PDGFD: variants seen among roughly 807,000 people sequenced by gnomAD.
The protein encoded by PDGFD is platelet-derived growth factor D.
A neutral mutation model predicts 44.7 loss-of-function variants in PDGFD; 30 were observed. The observed-to-expected ratio is 0.67, with a 90% CI of 0.50 to 0.91. The LOEUF is 0.91. Ranked by LOEUF, PDGFD falls within the 40% of genes least tolerant of loss-of-function variation. The pLI is 0.00. For synonymous variants in PDGFD, 173 were observed against 168.4 expected, an observed-to-expected ratio of 1.03 and a Z score of -0.21; for missense variants, 445 against 457.8, an observed-to-expected ratio of 0.97 and a Z score of 0.25.
At chr11:103,976,705 AATAGTTTATCTCAATAAACTATTAAG>A (rs1310636304) in intron 3 of PDGFD, among the ~76,000 whole-genome samples, 3 of 152,000 alleles carry the variant, frequency 2.0e-5, no homozygotes, top group East Asian at 3.9e-4. Flanking sequence ...CGTTCTACTG[AATAGTTTATCTCAATAAACTATTAAG>A]ATAGTTTATT....
chr11:103,932,288 A>G (rs1858414417), intron 5 of PDGFD, among the ~76,000 whole-genome samples: 1 of 152,190 alleles, frequency 6.6e-6, no homozygotes, highest in Non-Finnish European at 1.5e-5. Context: ...TATTCAATAA[A>G]TTATATGAGC....
intron 1 of PDGFD, among the ~76,000 whole-genome samples, chr11:104,070,625 AT>A (rs2134420813): frequency 6.6e-6 from 1 of 152,292 alleles, no homozygotes; most frequent in Admixed American, 6.5e-5. Flanking sequence ...CATGCTCCTC[AT>A]TTGTAAAATA....
chr11:103,996,127 T>C lies in PDGFD; in HGVS notation c.448A>G (p.Thr150Ala), dbSNP rs1376165450. 1 of 1,613,852 alleles carries C rather than the reference T, an allele frequency of 6.2e-7. No individual in the cohort carries two copies. The highest frequency in any genetic ancestry group is 8.5e-7 in the Non-Finnish European group (1 of 1,179,854). ...ACAAAGTAGTCATCGGACTTGAATG[T>C]GATTTTAATTTGGTTCGTTCTTGAT... The part of the protein sequence containing the change: ...IKSRTNQIKI[T>A]FKSDDYFVAK... The change falls in exon 3 of 7, where the codon ACA becomes GCA. Residue 150 changes from threonine (T) to alanine (A), a missense_variant. Coordinates refer to ENST00000393158, the MANE Select transcript of PDGFD (RefSeq NM_025208.5).
At chr11:104,031,732 T>C (rs1181619826) in intron 1 of PDGFD, among the ~76,000 whole-genome samples, 2 of 152,094 alleles carry the variant, frequency 1.3e-5, no homozygotes, top group African/African-American at 2.4e-5. Flanking sequence ...AACAAAGACA[T>C]GGAGTCAACC....
intron 1 of PDGFD, among the ~76,000 whole-genome samples, chr11:104,112,083 T>A (rs1861566583): frequency 6.6e-6 from 1 of 152,214 alleles, no homozygotes; most frequent in Admixed American, 6.6e-5. Flanking sequence ...ACTAAAATTA[T>A]AAATGCAAAG....
chr11:104,121,763 G>A (rs998987879), intron 1 of PDGFD, among the ~76,000 whole-genome samples: 1 of 152,016 alleles, frequency 6.6e-6, no homozygotes. Flanking sequence ...CACTGATACA[G>A]TTTCATTATT....
At chr11:104,097,851 G>A (rs1182836665) in intron 1 of PDGFD, among the ~76,000 whole-genome samples, 3 of 152,004 alleles carry the variant, frequency 2.0e-5, no homozygotes, top group East Asian at 1.9e-4. Flanking sequence ...CACTTTAAAC[G>A]CCAACTATAC....
At chr11:104,074,757 C>G (rs1860930657) in intron 1 of PDGFD, among the ~76,000 whole-genome samples, 1 of 152,114 alleles carries the variant, frequency 6.6e-6, no homozygotes, top group African/African-American at 2.4e-5. Context: ...TTTATACACA[C>G]AGTTTGCAAC....
At chr11:103,995,226 C>T (rs1189876211) in intron 3 of PDGFD, among the ~76,000 whole-genome samples, 1 of 152,072 alleles carries the variant, frequency 6.6e-6, no homozygotes, top group Non-Finnish European at 1.5e-5. Flanking sequence ...ACTTTAAGCT[C>T]CAGACGGTTC....
intron 1 of PDGFD, among the ~76,000 whole-genome samples, chr11:104,136,493 T>C (rs1862006288): frequency 6.6e-6 from 1 of 152,116 alleles, no homozygotes; most frequent in East Asian, 1.9e-4. Flanking sequence ...AGAAAATAAG[T>C]GAAACTCTTC....
At chr11:104,098,856 A>G (rs971286359) in intron 1 of PDGFD, among the ~76,000 whole-genome samples, 7 of 152,028 alleles carry the variant, frequency 4.6e-5, no homozygotes, top group African/African-American at 1.7e-4. Flanking sequence ...AAAATGCACA[A>G]TGTTATACAG....
chr11:103,940,680 T>G (rs1237026817), intron 5 of PDGFD, among the ~76,000 whole-genome samples: 3 of 152,160 alleles, frequency 2.0e-5, no homozygotes, highest in African/African-American at 7.2e-5. Context: ...TTGTGATACA[T>G]GCAGGTGATT....
chr11:103,976,943 A>C (rs543175321), intron 3 of PDGFD, among the ~76,000 whole-genome samples: 124 of 152,086 alleles, frequency 8.2e-4, no homozygotes, highest in Non-Finnish European at 1.4e-3. Flanking sequence ...ATAGACCACT[A>C]GTCAGAATAA....
chr11:104,153,883 G>A (rs1368108755), intron 1 of PDGFD, among the ~76,000 whole-genome samples: 1 of 152,060 alleles, frequency 6.6e-6, no homozygotes, highest in East Asian at 1.9e-4. Context: ...CCAGAGAGAA[G>A]CAGTGAGAAA....
intron 1 of PDGFD, among the ~76,000 whole-genome samples, chr11:104,158,176 C>T (rs987441913): frequency 6.6e-6 from 1 of 152,200 alleles, no homozygotes; most frequent in South Asian, 2.1e-4. Context: ...GAACTTCACA[C>T]TTAAATTGCA....
At chr11:104,099,694 G>T (rs1861342769) in intron 1 of PDGFD, among the ~76,000 whole-genome samples, 1 of 149,258 alleles carries the variant, frequency 6.7e-6, no homozygotes, top group South Asian at 2.1e-4. Flanking sequence ...CCAAAAAATG[G>T]AATATATCTC....
intron 1 of PDGFD, among the ~76,000 whole-genome samples, chr11:104,057,460 T>C (rs1860638744): frequency 6.8e-6 from 1 of 147,792 alleles, no homozygotes; most frequent in Admixed American, 6.8e-5. Flanking sequence ...CACTTAGAAG[T>C]GGGAGCTAAA....
At chr11:103,985,051 A>AAC (rs1859336670) in intron 3 of PDGFD, among the ~76,000 whole-genome samples, 1 of 90,944 alleles carries the variant, frequency 1.1e-5, no homozygotes, top group African/African-American at 5.4e-5. Flanking sequence ...ATATTTGTTT[A>AAC]ATATATATTA....
At chr11:104,112,924 T>G (rs917471464) in intron 1 of PDGFD, among the ~76,000 whole-genome samples, 7 of 151,994 alleles carry the variant, frequency 4.6e-5, no homozygotes, top group African/African-American at 1.7e-4. Flanking sequence ...AAATAACCAA[T>G]GGGTACTAGG....
Sources: gnomAD v4.1 joint callset for allele counts (sites outside exome capture counted in the v4.1 genomes callset) on GRCh38, gnomAD v4.1.1 for gene constraint, MANE v1.5 for transcripts, NCBI Gene and HGNC (gene_info 2026-07-23, HGNC 2026-07-21) for gene names.